The following KIAA1217 variants were observed in gnomAD, a reference collection of about 807,000 sequenced individuals.
The protein encoded by KIAA1217 is KIAA1217, also known as sickle tail protein homolog.
Under a neutral mutation model 163.9 loss-of-function variants are expected in KIAA1217, and 88 were observed. The ratio of observed to expected loss-of-function variants is 0.54; its 90% confidence interval spans 0.45 to 0.64. The LOEUF is 0.64. Ranked by LOEUF, KIAA1217 falls within the 30% of genes least tolerant of loss-of-function variation. KIAA1217 has a pLI of 0.00. For missense variants in KIAA1217, 2,372 were observed against 2,475.0 expected (o/e 0.96, Z 0.88); for synonymous variants, 903 against 923.1 (o/e 0.98, Z 0.39).
intron 2 of KIAA1217, among the ~76,000 whole-genome samples, chr10:24,323,788 CGTGTGTGTGTGTGTGT>C (rs60528535): frequency 0.034 from 4,936 of 144,286 alleles, 310 homozygotes; most frequent in African/African-American, 0.12. Context: ...GTTTTCTCTT[CGTGTGTGTGTGTGTGT>C]GTGTGTGTGT....
chr10:24,415,647 G>A (rs565377376), intron 3 of KIAA1217, among the ~76,000 whole-genome samples: 18 of 152,020 alleles, frequency 1.2e-4, no homozygotes, highest in African/African-American at 3.1e-4. Flanking sequence ...ACCCCCTTCC[G>A]CCTTTGCTTG....
chr10:24,407,552 C>A (rs748044009), intron 3 of KIAA1217, among the ~76,000 whole-genome samples: 1 of 152,084 alleles, frequency 6.6e-6, no homozygotes, highest in African/African-American at 2.4e-5. Flanking sequence ...GTGATCCCCC[C>A]ACCTCAGCCT....
At chr10:24,272,377 GA>G (rs1158742903) in intron 2 of KIAA1217, among the ~76,000 whole-genome samples, 1 of 152,038 alleles carries the variant, frequency 6.6e-6, no homozygotes, top group East Asian at 1.9e-4. Context: ...TATCTTATTG[GA>G]AAAAATATTC....
chr10:24,361,835 C>T (rs1180763137), intron 2 of KIAA1217, among the ~76,000 whole-genome samples: 4 of 151,718 alleles, frequency 2.6e-5, no homozygotes, highest in South Asian at 4.2e-4. Context: ...ATTAGCCAGG[C>T]GTGGTGGCGG....
intron 3 of KIAA1217, among the ~76,000 whole-genome samples, chr10:24,414,357 C>T (rs2058055538): frequency 6.6e-6 from 1 of 152,208 alleles, no homozygotes; most frequent in Non-Finnish European, 1.5e-5. Flanking sequence ...TGCACAGATG[C>T]TGGTAAGGGA....
intron 1 of KIAA1217, among the ~76,000 whole-genome samples, chr10:23,724,263 T>C (rs1289616779): frequency 6.8e-6 from 1 of 146,996 alleles, no homozygotes; most frequent in Non-Finnish European, 1.5e-5. Context: ...CCCTAAACTT[T>C]GCTTCTTATG....
intron 1 of KIAA1217, among the ~76,000 whole-genome samples, chr10:23,918,727 A>AATAT (rs147936789): frequency 0.032 from 4,709 of 145,950 alleles, 214 homozygotes; most frequent in African/African-American, 0.1. Flanking sequence ...TTAAGAATTA[A>AATAT]ATATATACAC....
intron 1 of KIAA1217, among the ~76,000 whole-genome samples, chr10:23,873,688 T>TTCTCTC (rs752200216): frequency 1.7e-4 from 22 of 130,342 alleles, no homozygotes; most frequent in Non-Finnish European, 3.0e-4. Flanking sequence ...AGTTGTCTGT[T>TTCTCTC]TCTCTCTCTC....
At chr10:24,065,317 T>C (rs1348056414) in intron 2 of KIAA1217, among the ~76,000 whole-genome samples, 4 of 152,148 alleles carry the variant, frequency 2.6e-5, no homozygotes, top group Admixed American at 6.5e-5. Flanking sequence ...GCTTTGAATG[T>C]GTCCCAGAGA....
At chr10:24,394,407 C>T (rs980702624) in intron 3 of KIAA1217, among the ~76,000 whole-genome samples, 2 of 151,984 alleles carry the variant, frequency 1.3e-5, no homozygotes, top group Non-Finnish European at 2.9e-5. Context: ...TACTTGTTTT[C>T]CCCTCTCTTT....
intron 2 of KIAA1217, among the ~76,000 whole-genome samples, chr10:24,161,651 A>G (rs1471232912): frequency 2.0e-5 from 3 of 152,238 alleles, no homozygotes; most frequent in Non-Finnish European, 4.4e-5. Context: ...CGCAATAAAG[A>G]AAGTTCAAGT....
intron 1 of KIAA1217, among the ~76,000 whole-genome samples, chr10:23,949,117 AG>A (rs1313739281): frequency 2.0e-5 from 3 of 152,346 alleles, no homozygotes; most frequent in Admixed American, 2.0e-4. Context: ...TTCACCTTTT[AG>A]GGATACTTGA....
chr10:23,791,413 G>C (rs1835946045), intron 1 of KIAA1217, among the ~76,000 whole-genome samples: 1 of 151,998 alleles, frequency 6.6e-6, no homozygotes, highest in African/African-American at 2.4e-5. Context: ...AAAAAAGAAA[G>C]CCAGACATTA....
At chr10:23,855,206 C>A (rs1213186558) in intron 1 of KIAA1217, among the ~76,000 whole-genome samples, 1 of 152,112 alleles carries the variant, frequency 6.6e-6, no homozygotes, top group Non-Finnish European at 1.5e-5. Flanking sequence ...TTAGGGCAGG[C>A]CTGTTGGTGA....
intron 2 of KIAA1217, among the ~76,000 whole-genome samples, chr10:24,111,974 G>GT (rs1378599975): frequency 1.3e-5 from 2 of 151,838 alleles, no homozygotes; most frequent in Non-Finnish European, 2.9e-5. Flanking sequence ...TTTTGTTTTT[G>GT]TTTTTTTGTA....
At chr10:23,856,161 G>A (rs903377016) in intron 1 of KIAA1217, among the ~76,000 whole-genome samples, 1 of 152,154 alleles carries the variant, frequency 6.6e-6, no homozygotes, top group Non-Finnish European at 1.5e-5. Context: ...TTTGGTCTTT[G>A]ATGATGGTGA....
At chr10:23,709,350 C>T (rs1380364389) in intron 1 of KIAA1217, among the ~76,000 whole-genome samples, 3 of 151,744 alleles carry the variant, frequency 2.0e-5, no homozygotes, top group African/African-American at 7.3e-5. Context: ...ATAGCAAGAC[C>T]TCGTCTTTAT....
chr10:23,829,349 CA>C (rs775025426), intron 1 of KIAA1217, among the ~76,000 whole-genome samples: 2 of 152,178 alleles, frequency 1.3e-5, no homozygotes, highest in Non-Finnish European at 2.9e-5. Context: ...TGATGGCCCA[CA>C]GAACCTAGAG....
At chr10:23,951,139 C>A (rs1384230922) in intron 1 of KIAA1217, among the ~76,000 whole-genome samples, 3 of 152,048 alleles carry the variant, frequency 2.0e-5, no homozygotes, top group Admixed American at 6.6e-5. Flanking sequence ...TCCTGTGGAC[C>A]TAATCCCATT....
Sources: allele counts gnomAD v4.1 joint callset (sites outside exome capture counted in the v4.1 genomes callset), GRCh38; gene constraint gnomAD v4.1.1; transcripts MANE v1.5; gene names NCBI Gene and HGNC (gene_info 2026-07-23, HGNC 2026-07-21).